ZFYVE16: variants seen among roughly 807,000 people sequenced by gnomAD.
The protein encoded by ZFYVE16 is zinc finger FYVE domain-containing protein 16.
A neutral mutation model predicts 138.1 loss-of-function variants in ZFYVE16; 89 were observed. The observed-to-expected ratio is 0.64, with a 90% CI of 0.54 to 0.77. ZFYVE16 has a LOEUF of 0.77. Among genes scored for constraint, ZFYVE16 ranks in the 30% least tolerant of loss-of-function variants. ZFYVE16 has a pLI of 0.00. For synonymous variants in ZFYVE16, 596 were observed against 618.3 expected (o/e 0.96, Z 0.53); for missense variants, 1,793 against 1,786.7 (o/e 1.00, Z -0.06).
At chr5:80,447,036 C>T (rs977870780) in intron 7 of ZFYVE16, among the ~76,000 whole-genome samples, 3 of 151,802 alleles carry the variant, frequency 2.0e-5, no homozygotes, top group East Asian at 1.9e-4. Flanking sequence ...CCGAGGTGGG[C>T]GGATCATCTG....
chr5:80,470,247 A>G (rs1754236885), intron 15 of ZFYVE16, among the ~76,000 whole-genome samples: 1 of 151,100 alleles, frequency 6.6e-6, no homozygotes, highest in Admixed American at 6.6e-5. Flanking sequence ...GACTACAGGC[A>G]CCTACCACCA....
At chr5:80,410,975 T>C (rs1282982486) in intron 1 of ZFYVE16, among the ~76,000 whole-genome samples, 3 of 149,820 alleles carry the variant, frequency 2.0e-5, no homozygotes, top group African/African-American at 7.4e-5. Context: ...TTTTTATTGA[T>C]TTAGTTTTTT....
rs1755318475 is a variant in ZFYVE16 at position 80,482,799 on chromosome 5, A to C, written c.*5422A>C. 1.3e-5 allele frequency: 2 copies of C among 152,228 alleles called. No individual in the cohort carries two copies. The highest frequency in any genetic ancestry group is 4.1e-4 in the South Asian group (2 of 4,836). 9.4% of individuals were successfully genotyped at this position (152,228 alleles called of 1,614,324 possible). On this transcript the variant is annotated 3_prime_UTR_variant, in exon 19 of 19. Coordinates refer to ENST00000505560, the MANE Select transcript of ZFYVE16 (RefSeq NM_001284236.3). ...AAAGCAACAAAACTGTCAACACAGAATCCTTTATCCAGCAAATATATTCTT... is the reference window on the plus strand; with the variant it reads ...AAAGCAACAAAACTGTCAACACAGACTCCTTTATCCAGCAAATATATTCTT...
chr5:80,450,678 A>T, intron 10 of ZFYVE16, 92 bp downstream of exon 10: 2 of 1,263,448 alleles, frequency 1.6e-6, no homozygotes, highest in Non-Finnish European at 1.1e-6. Flanking sequence ...TATACTAAAG[A>T]TTTATTTCTG....
At chr5:80,434,280 C>T in intron 3 of ZFYVE16, 63 bp downstream of exon 3, 1 of 1,542,446 alleles carries the variant, frequency 6.5e-7, no homozygotes, top group Non-Finnish European at 8.9e-7. Flanking sequence ...TAAGTTATCT[C>T]AGGTATACAG....
chr5:80,420,641 A>C lies in ZFYVE16; in HGVS notation c.-93-6851A>C, dbSNP rs62365281. 6.6e-3 allele frequency among the ~76,000 whole-genome samples: 1,010 copies of C among 152,200 alleles called. 13 individuals carry two copies. The highest frequency in any genetic ancestry group is 0.023 in the African/African-American group (935 of 41,528). ...GACATGAACTCATCCTTTTTTATGG[A>C]TGCATAGTATTCCATGGTGTATATA... On this transcript the variant is annotated intron_variant, in intron 1 of 18. Coordinates refer to ENST00000505560, the MANE Select transcript of ZFYVE16 (RefSeq NM_001284236.3).
rs542060406 is a variant in ZFYVE16, at chr5:80,456,476, C to A, written c.3706C>A (p.Gln1236Lys). Residue 1236 changes from glutamine to lysine, a missense_variant, in exon 13 of 19, where the codon CAG (glutamine) becomes AAG (lysine). Gln to Lys is a moderately conservative substitution (Grantham distance 53). Around this residue, in one of 2 missense-constraint regions of ZFYVE16, gnomAD observed 498 missense variants for 582.4 expected, o/e 0.86. Transcript: ENST00000505560. ...MNLLVDLRNY[Q>K]YTLHNIDQLL... ...TTCTATGTAGGACCTTCGAAATTAC[C>A]AGTATACCTTGCATAATATAGATCA... is the stretch of plus-strand genomic sequence containing the variant. The A allele has an allele frequency of 1.2e-4, 189 of 1,611,478 alleles. No homozygotes were observed. In the South Asian group the frequency reaches 2.0e-3, roughly 17 times the overall value.
At chr5:80,476,717 G>C (rs1187164687) in intron 18 of ZFYVE16, among the ~76,000 whole-genome samples, 15 of 152,096 alleles carry the variant, frequency 9.9e-5, no homozygotes, top group Non-Finnish European at 1.6e-4. Flanking sequence ...AAGGGGTTTT[G>C]TTTTTATCTC....
At chr5:80,446,284 C>G (rs971979783) in intron 7 of ZFYVE16, among the ~76,000 whole-genome samples, 2 of 151,940 alleles carry the variant, frequency 1.3e-5, no homozygotes. Flanking sequence ...ATTGAGAACC[C>G]TAAAGTGCTA....
rs1345705236 is a variant in ZFYVE16, at chr5:80,479,682, G to A, written c.*2305G>A. ...ACAAGAATAATCTTAAAACATCAAA[G>A]AGATTTTCCAGACAATAAGGAATGC... On this transcript the variant is annotated 3_prime_UTR_variant, in exon 19 of 19. Coordinates refer to ENST00000505560, the MANE Select transcript of ZFYVE16 (RefSeq NM_001284236.3). Among the ~76,000 whole-genome samples, 3 of 152,138 alleles carry A rather than the reference G, an allele frequency of 2.0e-5. No individual in the cohort carries two copies. Among genetic ancestry groups the A allele is most frequent in the Non-Finnish European group, 4.4e-5 (3 of 68,020 alleles).
At chr5:80,414,295 A>T (rs1458169560) in intron 1 of ZFYVE16, among the ~76,000 whole-genome samples, 2 of 152,122 alleles carry the variant, frequency 1.3e-5, no homozygotes, top group Non-Finnish European at 2.9e-5. Context: ...CTCCATCTTG[A>T]TGGGTTGCTC....
chr5:80,473,686 A>T, intron 16 of ZFYVE16, 68 bp from the exon 17 acceptor site: 1 of 1,154,088 alleles, frequency 8.7e-7, no homozygotes, highest in Non-Finnish European at 1.2e-6. Flanking sequence ...CATTTGTTCA[A>T]ATCTAATAAT....
chr5:80,434,308 T>C, intron 3 of ZFYVE16, 91 bp downstream of exon 3: 1 of 1,362,562 alleles, frequency 7.3e-7, no homozygotes, highest in South Asian at 1.3e-5. Context: ...AGCAAAATTT[T>C]CTTTCAATTT....
intron 15 of ZFYVE16, among the ~76,000 whole-genome samples, chr5:80,462,317 A>G (rs1753208584): frequency 6.6e-6 from 1 of 152,190 alleles, no homozygotes; most frequent in African/African-American, 2.4e-5. Flanking sequence ...TTATACAGTC[A>G]TGGTGGAAGG....
At chr5:80,419,389 C>G (rs1000336647) in intron 1 of ZFYVE16, among the ~76,000 whole-genome samples, 17 of 151,250 alleles carry the variant, frequency 1.1e-4, no homozygotes, top group African/African-American at 4.1e-4. Flanking sequence ...TTTCTGGGGT[C>G]TATTCTGTTT....
At chr5:80,465,799 CTCTT>C (rs1753687799) in intron 15 of ZFYVE16, among the ~76,000 whole-genome samples, 1 of 152,120 alleles carries the variant, frequency 6.6e-6, no homozygotes, top group South Asian at 2.1e-4. Flanking sequence ...TTTCATGACA[CTCTT>C]TGTCATTCAC....
rs1580305400 is a variant in ZFYVE16, at chr5:80,456,541, A to G, written c.3771A>G (p.Lys1257=). 1 of 1,612,416 alleles carries G rather than the reference A, an allele frequency of 6.2e-7. No individual in the cohort carries two copies. Residue 1257 remains lysine (K), a synonymous_variant, in exon 13 of 19, where the codon AAA becomes AAG. Transcript: ENST00000505560. ...TGGAAATGGGAAAAAGCTGCATAAA[A>G]ATACCACGGAAAAAGTACAGTGATG... is the stretch of plus-strand genomic sequence containing the variant. ...IHMEMGKSCI[K]IPRKKYSDVM... is the part of the protein sequence containing the mutation.
intron 15 of ZFYVE16, among the ~76,000 whole-genome samples, chr5:80,465,138 C>T (rs575456905): frequency 6.6e-6 from 1 of 152,146 alleles, no homozygotes; most frequent in Non-Finnish European, 1.5e-5. Flanking sequence ...TTCTCTTATT[C>T]ATGTGCATTC....
At position 80,421,501 on chromosome 5, in the gene ZFYVE16, C is replaced by T. The variant is rs1404772848; in HGVS notation, c.-93-5991C>T. 3.3e-5 allele frequency among the ~76,000 whole-genome samples: 5 copies of T among 152,174 alleles called. No individual in the cohort carries two copies. The South Asian group carries it at 8.3e-4, about 25-fold the overall frequency. On this transcript the variant is annotated intron_variant, in intron 1 of 18. Coordinates refer to ENST00000505560, the MANE Select transcript of ZFYVE16 (RefSeq NM_001284236.3). ...GTGTAAGGAAGGGATCCAGTTTCAG[C>T]TTTCTTTTTATGGCTAGCCAGTTTT...
Sources: allele counts gnomAD v4.1 joint callset (sites outside exome capture counted in the v4.1 genomes callset), GRCh38; gene constraint gnomAD v4.1.1; regional missense constraint gnomAD v4.1.1; transcripts MANE v1.5; gene names NCBI Gene and HGNC (gene_info 2026-07-23, HGNC 2026-07-21).